EPHA6: variants seen among roughly 807,000 people sequenced by gnomAD.
The protein encoded by EPHA6 is EPH receptor A6.
A neutral mutation model predicts 112.0 loss-of-function variants in EPHA6; 50 were observed. That is an observed-to-expected ratio of 0.45 (90% CI 0.36 to 0.56). The LOEUF (loss-of-function observed/expected upper bound fraction) is 0.56, where lower values mean the gene tolerates loss of function less well. EPHA6 is among the 20% of genes least tolerant of loss of function. The pLI is 0.00. For synonymous variants in EPHA6, 529 were observed against 490.7 expected, an observed-to-expected ratio of 1.08 and a Z score of -1.03; for missense variants, 1,280 against 1,417.4, an observed-to-expected ratio of 0.90 and a Z score of 1.56.
chr3:97,665,677 T>C (rs921865634), intron 14 of EPHA6, among the ~76,000 whole-genome samples: 10 of 152,236 alleles, frequency 6.6e-5, no homozygotes, highest in African/African-American at 2.4e-4. Context: ...CTTTTCCTGG[T>C]TTTTATCTAA....
intron 5 of EPHA6, among the ~76,000 whole-genome samples, chr3:97,279,921 T>C (rs889117895): frequency 5.9e-5 from 9 of 152,186 alleles, no homozygotes; most frequent in Admixed American, 3.9e-4. Context: ...GTCTTGCTCT[T>C]GTTGCCCAGG....
chr3:97,614,863 G>A (rs1328414644), intron 13 of EPHA6, among the ~76,000 whole-genome samples: 2 of 152,052 alleles, frequency 1.3e-5, no homozygotes, highest in Non-Finnish European at 2.9e-5. Flanking sequence ...TACAGAGGAG[G>A]AACAGGATGG....
rs150562549 is a variant in EPHA6, at chr3:96,871,924, A to T, written c.450+5035A>T. Among the ~76,000 whole-genome samples, 5 of 152,250 alleles carry T rather than the reference A, an allele frequency of 3.3e-5. No homozygotes were observed. The South Asian group carries it at 1.0e-3, about 31-fold the overall frequency. The stretch of plus-strand genomic sequence containing the variant: ...TTCAGTGTGGTAACGGCCTCTTAAA[A>T]GATGCTGAATCGAATTAACCAGGAG... On this transcript the variant is annotated intron_variant, in intron 2 of 17. Coordinates refer to ENST00000389672, the MANE Select transcript of EPHA6 (RefSeq NM_001080448.3).
chr3:97,019,232 G>A (rs1038554813), intron 3 of EPHA6, among the ~76,000 whole-genome samples: 1 of 152,066 alleles, frequency 6.6e-6, no homozygotes, highest in Admixed American at 6.5e-5. Flanking sequence ...TGGGTGGCTT[G>A]CCGCCCACAT....
intron 14 of EPHA6, among the ~76,000 whole-genome samples, chr3:97,674,649 C>T (rs1234818811): frequency 6.6e-6 from 1 of 152,132 alleles, no homozygotes; most frequent in Non-Finnish European, 1.5e-5. Flanking sequence ...GTGGCTTCTG[C>T]TTATTGCAAC....
At chr3:97,043,411 G>A (rs2045390113) in intron 3 of EPHA6, among the ~76,000 whole-genome samples, 2 of 152,166 alleles carry the variant, frequency 1.3e-5, no homozygotes, top group South Asian at 4.1e-4. Context: ...GAATATAATG[G>A]ACACTTGGAA....
At chr3:97,323,947 A>C (rs2082242038) in intron 5 of EPHA6, among the ~76,000 whole-genome samples, 1 of 151,984 alleles carries the variant, frequency 6.6e-6, no homozygotes, top group Admixed American at 6.6e-5. Flanking sequence ...TTCAGTTCTC[A>C]TGTACTTAGT....
chr3:97,340,016 A>G (rs993598135), intron 5 of EPHA6, among the ~76,000 whole-genome samples: 2 of 152,146 alleles, frequency 1.3e-5, no homozygotes, highest in Non-Finnish European at 2.9e-5. Context: ...GGGATATATG[A>G]AAAACAGTGA....
At chr3:97,686,625 T>C (rs1420878741) in intron 14 of EPHA6, among the ~76,000 whole-genome samples, 1 of 152,204 alleles carries the variant, frequency 6.6e-6, no homozygotes, top group Non-Finnish European at 1.5e-5. Context: ...TCTTCTCTAC[T>C]GCATAACACC....
intron 11 of EPHA6, among the ~76,000 whole-genome samples, chr3:97,546,354 G>T (rs1286515027): frequency 6.6e-6 from 1 of 152,190 alleles, no homozygotes; most frequent in Non-Finnish European, 1.5e-5. Flanking sequence ...GAAATTCTGG[G>T]TTGAAAATTC....
intron 1 of EPHA6, among the ~76,000 whole-genome samples, chr3:96,818,728 G>T (rs2107205613): frequency 6.6e-6 from 1 of 151,906 alleles, no homozygotes; most frequent in African/African-American, 2.4e-5. Context: ...TTTTTCAAAA[G>T]TAAACATTAA....
intron 10 of EPHA6, among the ~76,000 whole-genome samples, chr3:97,487,390 T>G (rs1008967669): frequency 6.6e-6 from 1 of 152,240 alleles, no homozygotes; most frequent in African/African-American, 2.4e-5. Context: ...ACACCTGACC[T>G]GTGACATTTC....
intron 5 of EPHA6, among the ~76,000 whole-genome samples, chr3:97,386,015 C>T (rs1166180640): frequency 6.6e-6 from 1 of 152,056 alleles, no homozygotes; most frequent in Non-Finnish European, 1.5e-5. Context: ...GTCATTCCAC[C>T]CTTGGCCCCT....
At chr3:97,018,085 A>C (rs1044921871) in intron 3 of EPHA6, among the ~76,000 whole-genome samples, 4 of 150,918 alleles carry the variant, frequency 2.7e-5, no homozygotes, top group South Asian at 4.2e-4. Context: ...ACTCTGATAC[A>C]TTCTTCATTT....
chr3:97,611,485 C>G, intron 13 of EPHA6, among the ~76,000 whole-genome samples: 1 of 151,470 alleles, frequency 6.6e-6, no homozygotes, highest in East Asian at 1.9e-4. Context: ...TGAGAAGGCA[C>G]CAGGAAGTTA....
At chr3:97,391,739 C>A (rs1043236480) in intron 5 of EPHA6, among the ~76,000 whole-genome samples, 3 of 151,700 alleles carry the variant, frequency 2.0e-5, no homozygotes, top group Non-Finnish European at 2.9e-5. Context: ...ATCAAAGAAG[C>A]CTTAAGCTAG....
chr3:97,639,344 C>G (rs2093981177), intron 14 of EPHA6, among the ~76,000 whole-genome samples: 1 of 151,874 alleles, frequency 6.6e-6, no homozygotes, highest in African/African-American at 2.4e-5. Context: ...TCATTTTTCT[C>G]AAGGCCTTTA....
intron 10 of EPHA6, among the ~76,000 whole-genome samples, chr3:97,529,937 C>T (rs1404394125): frequency 6.6e-6 from 1 of 151,896 alleles, no homozygotes; most frequent in African/African-American, 2.4e-5. Context: ...ACAGAATTCT[C>T]ATTATTTTCA....
At chr3:97,700,793 C>A (rs2033337544) in intron 14 of EPHA6, among the ~76,000 whole-genome samples, 1 of 152,134 alleles carries the variant, frequency 6.6e-6, no homozygotes, top group South Asian at 2.1e-4. Flanking sequence ...ATATTATAAT[C>A]TAATCACAAT....
Sources: allele counts gnomAD v4.1 joint callset (sites outside exome capture counted in the v4.1 genomes callset), GRCh38; gene constraint gnomAD v4.1.1; transcripts MANE v1.5; gene names NCBI Gene and HGNC (gene_info 2026-07-23, HGNC 2026-07-21).